Variants in ADARB2 observed in about 807,000 individuals in gnomAD.
The protein encoded by ADARB2 is adenosine deaminase RNA specific B2 (inactive).
In ADARB2, 25 loss-of-function variants were observed where a neutral mutation model predicts 62.2. The ratio of observed to expected loss-of-function variants is 0.40; its 90% CI spans 0.29 to 0.56. The LOEUF is 0.56. Among genes scored for constraint, ADARB2 ranks in the 20% least tolerant of loss-of-function variants. The pLI, the probability that ADARB2 is intolerant of heterozygous loss-of-function variation, is 0.43. For synonymous variants in ADARB2, 572 were observed against 500.8 expected (o/e 1.14, Z -1.90); for missense variants, 1,071 against 1,077.4 (o/e 0.99, Z 0.08).
intron 1 of ADARB2, among the ~76,000 whole-genome samples, chr10:1,550,330 GCCTTCCTAGAGTA>G (rs1247270626): frequency 6.6e-6 from 1 of 152,188 alleles, no homozygotes; most frequent in Non-Finnish European, 1.5e-5. Flanking sequence ...CACGGAAAAT[GCCTTCCTAGAGTA>G]CCTTTGGCCT....
At chr10:1,295,931 C>T (rs1046110296) in intron 3 of ADARB2, among the ~76,000 whole-genome samples, 2 of 152,202 alleles carry the variant, frequency 1.3e-5, no homozygotes, top group African/African-American at 4.8e-5. Context: ...CGCAACGGCT[C>T]AGTCAGCAAG....
chr10:1,659,293 G>A (rs1276627516), intron 1 of ADARB2, among the ~76,000 whole-genome samples: 1 of 152,170 alleles, frequency 6.6e-6, no homozygotes, highest in African/African-American at 2.4e-5. Context: ...CTAAATAAAC[G>A]GGGATGGGAG....
intron 1 of ADARB2, among the ~76,000 whole-genome samples, chr10:1,553,115 A>ACAG (rs1832652196): frequency 6.6e-6 from 1 of 152,028 alleles, no homozygotes; most frequent in Non-Finnish European, 1.5e-5. Context: ...CCAGGCCAGC[A>ACAG]CCATCTCTGA....
At chr10:1,336,861 G>T (rs1831978637) in intron 3 of ADARB2, among the ~76,000 whole-genome samples, 1 of 152,052 alleles carries the variant, frequency 6.6e-6, no homozygotes, top group South Asian at 2.1e-4. Flanking sequence ...CTCAGTGGTG[G>T]TAACCTTTAC....
At chr10:1,225,301 G>A (rs1830735507) in intron 6 of ADARB2, among the ~76,000 whole-genome samples, 1 of 152,088 alleles carries the variant, frequency 6.6e-6, no homozygotes, top group Admixed American at 6.6e-5. Flanking sequence ...GAGCCTATGT[G>A]TGTCTCTGCA....
At chr10:1,266,509 G>GAT (rs1831202718) in intron 4 of ADARB2, among the ~76,000 whole-genome samples, 1 of 113,370 alleles carries the variant, frequency 8.8e-6, no homozygotes, top group Non-Finnish European at 2.0e-5. Context: ...TGTGGTGGGG[G>GAT]GTGGGGGGGG....
At chr10:1,450,381 A>G (rs1244308367) in intron 1 of ADARB2, among the ~76,000 whole-genome samples, 2 of 152,164 alleles carry the variant, frequency 1.3e-5, no homozygotes, top group Admixed American at 6.5e-5. Flanking sequence ...CTGTGGCTGC[A>G]TTTTGGTTGC....
intron 3 of ADARB2, among the ~76,000 whole-genome samples, chr10:1,327,831 A>ATCT (rs1554754551): frequency 1.4e-4 from 6 of 44,332 alleles, no homozygotes; most frequent in Non-Finnish European, 3.1e-4. Flanking sequence ...ACAGCTCAGC[A>ATCT]CCTCACAGCT....
chr10:1,621,948 A>C (rs776442759), intron 1 of ADARB2, among the ~76,000 whole-genome samples: 10 of 152,206 alleles, frequency 6.6e-5, no homozygotes, highest in African/African-American at 9.7e-5. Context: ...AAGAAAGAAA[A>C]AGGTTGGAAA....
intron 8 of ADARB2, chr10:1,188,158 C>G (rs926110598): frequency 1.1e-4 from 17 of 152,624 alleles, no homozygotes; most frequent in African/African-American, 3.9e-4. Flanking sequence ...ACTTACCGCT[C>G]TGTGACAGGT....
rs559684557 is a variant in ADARB2 at position 1,232,726 on chromosome 10, G to C, written c.1513+968C>G. 6.0e-5 allele frequency among the ~76,000 whole-genome samples: 5 copies of C among 82,758 alleles called. No homozygotes were observed. In the South Asian group the frequency reaches 3.5e-3, roughly 58 times the overall value. 54.3% of individuals were successfully genotyped at this position (82,758 alleles called of 152,430 possible). On this transcript the variant is annotated intron_variant, in intron 6 of 9. Coordinates refer to ENST00000381312, the MANE Select transcript of ADARB2 (RefSeq NM_018702.4). The stretch of plus-strand genomic sequence containing the variant: ...GTGCAGTGTATGTGGTATGTGTGTA[G>C]TGTATGTGACATGAGTAGTGTATGT...
intron 1 of ADARB2, among the ~76,000 whole-genome samples, chr10:1,573,718 C>G (rs1339447191): frequency 6.6e-6 from 1 of 152,174 alleles, no homozygotes; most frequent in Non-Finnish European, 1.5e-5. Flanking sequence ...TTCCATGCAG[C>G]AGGCACCCAG....
At chr10:1,623,674 G>T (rs1433609133) in intron 1 of ADARB2, among the ~76,000 whole-genome samples, 1 of 152,210 alleles carries the variant, frequency 6.6e-6, no homozygotes, top group Non-Finnish European at 1.5e-5. Flanking sequence ...GCACACGCAT[G>T]GATTCCCTGC....
intron 1 of ADARB2, among the ~76,000 whole-genome samples, chr10:1,603,907 C>T (rs754663740): frequency 2.0e-5 from 3 of 151,990 alleles, no homozygotes; most frequent in African/African-American, 7.3e-5. Context: ...TGGGTTCAAG[C>T]GATTCTCCTG....
At chr10:1,223,808 T>C (rs998885762) in intron 6 of ADARB2, among the ~76,000 whole-genome samples, 4 of 152,246 alleles carry the variant, frequency 2.6e-5, no homozygotes, top group Non-Finnish European at 5.9e-5. Flanking sequence ...TTTGATGTGC[T>C]GCTGGATTCG....
intron 3 of ADARB2, among the ~76,000 whole-genome samples, chr10:1,338,253 C>T (rs568001822): frequency 2.0e-4 from 31 of 152,318 alleles, no homozygotes; most frequent in African/African-American, 6.3e-4. Flanking sequence ...AACATAGCTT[C>T]AGAGCTTCAG....
chr10:1,232,213 C>T (rs1830810890), intron 6 of ADARB2, among the ~76,000 whole-genome samples: 1 of 152,112 alleles, frequency 6.6e-6, no homozygotes, highest in African/African-American at 2.4e-5. Flanking sequence ...ACACCACATA[C>T]ACCACTGCAT....
At chr10:1,308,253 G>T (rs939192230) in intron 3 of ADARB2, among the ~76,000 whole-genome samples, 1 of 152,054 alleles carries the variant, frequency 6.6e-6, no homozygotes, top group East Asian at 1.9e-4. Flanking sequence ...ATGTCCTGTA[G>T]ATGGAATCAT....
intron 3 of ADARB2, among the ~76,000 whole-genome samples, chr10:1,296,918 G>A (rs1333059116): frequency 6.6e-6 from 1 of 152,158 alleles, no homozygotes; most frequent in Non-Finnish European, 1.5e-5. Flanking sequence ...GTGCTGTCCT[G>A]CCCGCTGCCT....
Sources: gnomAD v4.1 joint callset for allele counts (sites outside exome capture counted in the v4.1 genomes callset) on GRCh38, gnomAD v4.1.1 for gene constraint, MANE v1.5 for transcripts, NCBI Gene and HGNC (gene_info 2026-07-23, HGNC 2026-07-21) for gene names.